NIN: variants seen among roughly 807,000 people sequenced by gnomAD.
NIN encodes ninein.
A neutral mutation model predicts 257.6 loss-of-function variants in NIN; 137 were observed. That is an observed-to-expected ratio of 0.53 (90% CI 0.46 to 0.61). The LOEUF (loss-of-function observed/expected upper bound fraction) is 0.61, where lower values mean the gene tolerates loss of function less well. Among genes scored for constraint, NIN ranks in the 20% least tolerant of loss-of-function variants. The pLI, the probability that NIN is intolerant of heterozygous loss-of-function variation, is 0.00. For missense variants in NIN, 2,439 were observed against 2,501.2 expected (o/e 0.98, Z 0.53); for synonymous variants, 918 against 919.8 (o/e 1.00, Z 0.04).
Position 50,755,251 on chromosome 14 carries a change from A to G in NIN, c.4539-384T>C, listed in dbSNP as rs138368135. Among the ~76,000 whole-genome samples the G allele has an allele frequency of 3.4e-3, 518 of 152,310 alleles. 5 individuals carry two copies. Among genetic ancestry groups the G allele is most frequent in the African/African-American group, 0.012 (498 of 41,578 alleles). Reference sequence around the variant, plus strand: ...ATAAGCCATGTTACAAAGCTATATTAGCTTAGTTTTAGGCCCCTGGGTACC... The same window carrying G: ...ATAAGCCATGTTACAAAGCTATATTGGCTTAGTTTTAGGCCCCTGGGTACC... On this transcript the variant is annotated intron_variant, in intron 18 of 30. Coordinates refer to ENST00000530997, the MANE Select transcript of NIN (RefSeq NM_020921.4).
In NIN at chr14:50,763,949, C is replaced by T; in HGVS notation, c.1651G>A (p.Val551Ile). The change falls in exon 15 of 31, where the codon GTA (valine) becomes ATA (isoleucine). Residue 551 changes from valine (V) to isoleucine (I), a missense_variant. Val to Ile is a conservative substitution (Grantham distance 29, BLOSUM62 3). Transcript: ENST00000530997. Reference sequence around the variant, plus strand: ...TCCAGCTCAGACTGGAGTTCATCTACTTGGTCTTGTAGTACCTGGGATTTA... The same window carrying T: ...TCCAGCTCAGACTGGAGTTCATCTATTTGGTCTTGTAGTACCTGGGATTTA... ...ERQCRVLQDQ[V>I]DELQSELEEY... The T allele has an allele frequency of 1.2e-6, 2 of 1,614,092 alleles. No homozygotes were observed. Among genetic ancestry groups the T allele is most frequent in the Non-Finnish European group, 8.5e-7 (1 of 1,179,954 alleles).
rs75371890 is a variant in NIN, at chr14:50,771,163, T to C, written c.1118+169A>G. 0.095 allele frequency among the ~76,000 whole-genome samples: 14,436 copies of C among 152,240 alleles called. 785 individuals are homozygous for C. Among genetic ancestry groups the C allele is most frequent in the Non-Finnish European group, 0.12 (8,214 of 68,010 alleles). On this transcript the variant is annotated intron_variant, in intron 10 of 30. Transcript: ENST00000530997. The stretch of plus-strand genomic sequence containing the variant: ...CCCTTCAAAAGCCTACATGTCAATC[T>C]AAGTTCTCCTTAATTTTCCTATACT...
intron 30 of NIN, among the ~76,000 whole-genome samples, chr14:50,724,742 T>G (rs2040348290): frequency 6.6e-6 from 1 of 152,174 alleles, no homozygotes; most frequent in Admixed American, 6.5e-5. Context: ...ACACCCCACA[T>G]GTGGTCATAA....
rs142201512 is a variant in NIN, at chr14:50,730,556, G to A, written c.5878-833C>T. On this transcript the variant is annotated intron_variant, in intron 28 of 30. Coordinates refer to ENST00000530997, the MANE Select transcript of NIN (RefSeq NM_020921.4). ...CTCTAAGACTCGGCTATAACTAAAT[G>A]TTGTCATGAAATGTCAGAGCCACTA... 4.3e-4 allele frequency among the ~76,000 whole-genome samples: 62 copies of A among 143,402 alleles called. No homozygotes were observed. The East Asian group carries it at 0.01, about 24-fold the overall frequency. The allele number at this position is 143,402 out of a possible 152,430, so 94.1% of individuals were successfully genotyped here.
In NIN at chr14:50,752,562, C is replaced by G. The variant is rs1245113641; in HGVS notation, c.4906G>C (p.Glu1636Gln). Residue 1636 changes from glutamate to glutamine, a missense_variant, in exon 21 of 31, where the codon GAG becomes CAG. Coordinates refer to ENST00000530997, the MANE Select transcript of NIN (RefSeq NM_020921.4). ...GNSALEEREQ[E>Q]KFNLKEELER... ...AGTTCTTCTTTCAGATTAAACTTCTCTTGTTCCCGTTCCTCCAATGCACTG... is the reference window on the plus strand; with the variant it reads ...AGTTCTTCTTTCAGATTAAACTTCTGTTGTTCCCGTTCCTCCAATGCACTG... 1 of 1,614,116 alleles carries G rather than the reference C, an allele frequency of 6.2e-7. No homozygotes were observed. The highest frequency in any genetic ancestry group is 2.2e-5 in the East Asian group (1 of 44,878).
At chr14:50,777,196 T>G in intron 6 of NIN, 57 bp from the exon 7 acceptor site, 1 of 1,341,242 alleles carries the variant, frequency 7.5e-7, no homozygotes, top group Non-Finnish European at 1.0e-6. Flanking sequence ...AGAGAGTGCC[T>G]ATTCTTAAAG....
chr14:50,828,748 T>C (rs930194910), intron 2 of NIN, among the ~76,000 whole-genome samples: 7 of 152,210 alleles, frequency 4.6e-5, no homozygotes, highest in African/African-American at 1.7e-4. Context: ...TTTAAAACAA[T>C]TTATTTGAAC....
At chr14:50,767,748 T>C (rs1239688911) in intron 12 of NIN, among the ~76,000 whole-genome samples, 44 of 145,624 alleles carry the variant, frequency 3.0e-4, no homozygotes, top group East Asian at 8.0e-4. Flanking sequence ...ACCCGGGAGG[T>C]GGAGCTTGCA....
At position 50,722,396 on chromosome 14, in the gene NIN, G is replaced by A. The variant is rs1032193144; in HGVS notation, c.*1067C>T. 1.9e-5 allele frequency: 4 copies of A among 212,980 alleles called. No homozygotes were observed. Among genetic ancestry groups the A allele is most frequent in the Admixed American group, 5.9e-5 (1 of 17,084 alleles). The allele number at this position is 212,980 out of a possible 1,614,324, so 13.2% of individuals were successfully genotyped here. A position where few individuals can be genotyped will look rare whatever the true frequency, so the allele number is the denominator to read the frequency against. ...GTCAGGTTTTTAACCCTAAAATCAAGGCCTTTTTTCCCCCAGAATATTAAA... is the reference window on the plus strand; with the variant it reads ...GTCAGGTTTTTAACCCTAAAATCAAAGCCTTTTTTCCCCCAGAATATTAAA... On this transcript the variant is annotated 3_prime_UTR_variant, in exon 31 of 31. Transcript: ENST00000530997.
Position 50,745,007 on chromosome 14 carries a change from G to A in NIN, c.5065-642C>T, listed in dbSNP as rs532506288. ...CAAAGGCAAGTTTAAAGATAAAACCGTGTTTTCAGCTTGTTCCCTGTACTC... is the reference window on the plus strand; with the variant it reads ...CAAAGGCAAGTTTAAAGATAAAACCATGTTTTCAGCTTGTTCCCTGTACTC... On this transcript the variant is annotated intron_variant, in intron 22 of 30. Coordinates refer to ENST00000530997, the MANE Select transcript of NIN (RefSeq NM_020921.4). Among the ~76,000 whole-genome samples, 8 of 152,232 alleles carry A rather than the reference G, an allele frequency of 5.3e-5. No homozygotes were observed. The South Asian group carries it at 8.3e-4, about 16-fold the overall frequency.
At chr14:50,747,884 G>A (rs1011863183) in intron 22 of NIN, 108 bp downstream of exon 22, 66 of 747,024 alleles carry the variant, frequency 8.8e-5, no homozygotes, top group Non-Finnish European at 1.3e-4. Flanking sequence ...CAAGCTAGTT[G>A]ACAGAACTTG....
intron 3 of NIN, among the ~76,000 whole-genome samples, chr14:50,810,460 A>C (rs1486002617): frequency 6.6e-6 from 1 of 152,062 alleles, no homozygotes; most frequent in Non-Finnish European, 1.5e-5. Context: ...GGGAGGCTGA[A>C]ATAAGAGAAC....
Position 50,722,963 on chromosome 14 carries a change from A to C in NIN, c.*500T>G. 2 of 212,572 alleles carry C rather than the reference A, an allele frequency of 9.4e-6. No individual in the cohort carries two copies. Among genetic ancestry groups the C allele is most frequent in the Non-Finnish European group, 1.9e-5 (2 of 105,200 alleles). 13.2% of individuals were successfully genotyped at this position (212,572 alleles called of 1,614,324 possible). ...ACCACTTAATAAGCCCTGCCTCCTA[A>C]CCAATTATACTCTACTAATTGTCTA... is the stretch of plus-strand genomic sequence containing the variant. On this transcript the variant is annotated 3_prime_UTR_variant, in exon 31 of 31. Transcript: ENST00000530997.
intron 16 of NIN, among the ~76,000 whole-genome samples, chr14:50,761,188 A>G (rs546880761): frequency 6.6e-6 from 1 of 152,348 alleles, no homozygotes; most frequent in South Asian, 2.1e-4. Context: ...AGGGAAAAAA[A>G]TCACATTTTA....
intron 22 of NIN, among the ~76,000 whole-genome samples, chr14:50,744,970 C>A (rs1039718374): frequency 6.6e-6 from 1 of 152,030 alleles, no homozygotes; most frequent in Non-Finnish European, 1.5e-5. Flanking sequence ...GAACCACATA[C>A]AAGTAACAAC....
intron 16 of NIN, 98 bp downstream of exon 16, chr14:50,761,692 T>C: frequency 7.3e-7 from 1 of 1,375,284 alleles, no homozygotes; most frequent in Admixed American, 1.8e-5. Flanking sequence ...ACATAGAATG[T>C]GCTGCTCTAT....
chr14:50,763,704 G>A (rs1360629590), intron 15 of NIN, 122 bp downstream of exon 15: 3 of 811,248 alleles, frequency 3.7e-6, no homozygotes, highest in Non-Finnish European at 3.7e-6. Flanking sequence ...AAAAGAGTAT[G>A]GCCAAATTCT....
chr14:50,747,970 C>G, intron 22 of NIN, 22 bp downstream of exon 22: 1 of 1,506,518 alleles, frequency 6.6e-7, no homozygotes, highest in Admixed American at 1.7e-5. Context: ...TGTGAACCCC[C>G]CTTAGCTGCA....
chr14:50,757,858 G>A lies in NIN; in HGVS notation c.3172C>T (p.Gln1058Ter). 3 of 1,614,034 alleles carry A rather than the reference G, an allele frequency of 1.9e-6. No individual in the cohort carries two copies. The highest frequency in any genetic ancestry group is 2.5e-6 in the Non-Finnish European group (3 of 1,180,018). Reference sequence around the variant, plus strand: ...ACGTCCCCATTTTCTTCCAACAGCTGCTCCCCTTGCTGAAGCAGGGACAGG... The same window carrying A: ...ACGTCCCCATTTTCTTCCAACAGCTACTCCCCTTGCTGAAGCAGGGACAGG... The part of the protein sequence containing the change: ...GALSLLQQGE[Q>*]LLEENGDVLL... Residue 1058 changes from glutamine (Q) to a stop codon, truncating the protein, a stop_gained, in exon 18 of 31, where the codon CAG (glutamine) becomes TAG (stop). Transcript: ENST00000530997. LOFTEE classifies it high-confidence loss of function.
Sources: gnomAD v4.1 joint callset for allele counts (sites outside exome capture counted in the v4.1 genomes callset) on GRCh38, gnomAD v4.1.1 for gene constraint, MANE v1.5 for transcripts, NCBI Gene and HGNC (gene_info 2026-07-23, HGNC 2026-07-21) for gene names.